Variants in RAB28 observed in about 807,000 individuals in gnomAD.
RAB28 encodes ras-related protein Rab-28.
A neutral mutation model predicts 31.7 loss-of-function variants in RAB28; 24 were observed. The observed-to-expected ratio is 0.76, with a 90% CI of 0.55 to 1.06. The LOEUF is 1.06. Ranked by LOEUF, RAB28 falls within the 50% of genes least tolerant of loss-of-function variation. The pLI is 0.00. For missense variants in RAB28, 254 were observed against 258.5 expected (o/e 0.98, Z 0.12); for synonymous variants, 100 against 90.4 (o/e 1.11, Z -0.60).
At chr4:13,384,528 G>A (rs934815014) in intron 4 of RAB28, among the ~76,000 whole-genome samples, 96 of 152,290 alleles carry the variant, frequency 6.3e-4, no homozygotes, top group African/African-American at 2.1e-3. Flanking sequence ...TCCTAACCTC[G>A]AGGAGTCAGA....
At chr4:13,483,107 T>C (rs1314347666) in intron 1 of RAB28, among the ~76,000 whole-genome samples, 1 of 152,166 alleles carries the variant, frequency 6.6e-6, no homozygotes. Flanking sequence ...AAAGAAGGCA[T>C]CCGGGTAGAG....
chr4:13,370,425 G>A (rs1438045738), intron 6 of RAB28: 7 of 820,972 alleles, frequency 8.5e-6, no homozygotes, highest in Non-Finnish European at 1.0e-5. Context: ...TCTATACTGT[G>A]AAAGTATGGG....
chr4:13,391,589 T>C (rs780022422), intron 4 of RAB28, among the ~76,000 whole-genome samples: 1 of 152,120 alleles, frequency 6.6e-6, no homozygotes, highest in Non-Finnish European at 1.5e-5. Flanking sequence ...CACGCTACTA[T>C]AAAGACATAT....
rs3796805 is a variant in RAB28, at chr4:13,481,490, T to C, written c.76-1964A>G. 7.9e-5 allele frequency among the ~76,000 whole-genome samples: 12 copies of C among 152,150 alleles called. 1 individual carries two copies. In the East Asian group the frequency reaches 1.9e-3, roughly 24 times the overall value. ...GTATTAAGTGAACAACTAGCTCCCATATCAGAAATATTTTTATCTGAATCT... is the reference window on the plus strand; with the variant it reads ...GTATTAAGTGAACAACTAGCTCCCACATCAGAAATATTTTTATCTGAATCT... On this transcript the variant is annotated intron_variant, in intron 1 of 6. Transcript: ENST00000330852.
intron 4 of RAB28, among the ~76,000 whole-genome samples, chr4:13,400,511 T>C (rs574055160): frequency 6.6e-6 from 1 of 152,304 alleles, no homozygotes; most frequent in Non-Finnish European, 1.5e-5. Context: ...GAGAATTTTG[T>C]AGTTTTATTT....
chr4:13,452,653 A>T (rs910618765), intron 4 of RAB28, among the ~76,000 whole-genome samples: 7 of 151,942 alleles, frequency 4.6e-5, no homozygotes, highest in Admixed American at 4.6e-4. Flanking sequence ...CAATTTTTTT[A>T]AATTTTTTTG....
At chr4:13,411,023 A>C (rs1712413385) in intron 4 of RAB28, among the ~76,000 whole-genome samples, 2 of 152,152 alleles carry the variant, frequency 1.3e-5, no homozygotes, top group South Asian at 4.1e-4. Context: ...CATTAATTTA[A>C]AAAAGATCCA....
At chr4:13,393,650 G>A (rs1729742087) in intron 4 of RAB28, among the ~76,000 whole-genome samples, 1 of 151,132 alleles carries the variant, frequency 6.6e-6, no homozygotes, top group Non-Finnish European at 1.5e-5. Context: ...CCCTCCTATA[G>A]GTTTTCTGAT....
At chr4:13,369,045 T>C (rs1046201547) in intron 6 of RAB28, among the ~76,000 whole-genome samples, 1 of 152,206 alleles carries the variant, frequency 6.6e-6, no homozygotes, top group African/African-American at 2.4e-5. Context: ...TATTGATTAA[T>C]ATTTCCATAA....
chr4:13,484,286 T>A lies in RAB28; in HGVS notation c.-136A>T. Reference sequence around the variant, plus strand: ...CCGGTGTCTCCGCGCCGGCAGGAGGTATTCGAGGAGAATCACTCGGCAAGC... The same window carrying A: ...CCGGTGTCTCCGCGCCGGCAGGAGGAATTCGAGGAGAATCACTCGGCAAGC... On this transcript the variant is annotated 5_prime_UTR_variant, in exon 1 of 7. Transcript: ENST00000330852. The A allele has an allele frequency of 1.5e-6, 1 of 678,176 alleles. No homozygotes were observed. The highest frequency in any genetic ancestry group is 2.7e-6 in the Non-Finnish European group (1 of 373,828). 42.0% of individuals were successfully genotyped at this position (678,176 alleles called of 1,614,324 possible).
At chr4:13,461,010 T>A (rs1015365120) in intron 3 of RAB28, among the ~76,000 whole-genome samples, 182 bp from the exon 4 acceptor site, 1 of 152,240 alleles carries the variant, frequency 6.6e-6, no homozygotes, top group Non-Finnish European at 1.5e-5. Flanking sequence ...ATGTTTTCAT[T>A]CAAGATAAAT....
chr4:13,481,540 TCTA>T (rs1418639993), intron 1 of RAB28, among the ~76,000 whole-genome samples: 1 of 152,090 alleles, frequency 6.6e-6, no homozygotes, highest in Admixed American at 6.5e-5. Context: ...TTGGAAAATT[TCTA>T]CTAACATTTT....
At chr4:13,465,181 G>A (rs1038192413) in intron 3 of RAB28, among the ~76,000 whole-genome samples, 8 of 151,832 alleles carry the variant, frequency 5.3e-5, no homozygotes, top group African/African-American at 1.9e-4. Flanking sequence ...TACATCATAC[G>A]CACAGCTGAA....
chr4:13,460,990 A>G (rs1481994890), intron 3 of RAB28, among the ~76,000 whole-genome samples, 162 bp from the exon 4 acceptor site: 4 of 152,240 alleles, frequency 2.6e-5, no homozygotes, highest in African/African-American at 4.8e-5. Flanking sequence ...TAGCAGATTG[A>G]TAATACTGAA....
At chr4:13,391,872 G>A (rs184468784) in intron 4 of RAB28, among the ~76,000 whole-genome samples, 7,754 of 151,874 alleles carry the variant, frequency 0.051, 392 homozygotes, top group African/African-American at 0.13. Flanking sequence ...ACTTGGACAC[G>A]GGGCGGGGAA....
chr4:13,482,893 T>A (rs1360210592), intron 1 of RAB28, among the ~76,000 whole-genome samples: 1 of 152,146 alleles, frequency 6.6e-6, no homozygotes, highest in East Asian at 1.9e-4. Context: ...CAGTGCCAAC[T>A]GTCAGGGAGG....
At chr4:13,389,177 G>A (rs780304300) in intron 4 of RAB28, among the ~76,000 whole-genome samples, 18 of 152,202 alleles carry the variant, frequency 1.2e-4, no homozygotes, top group East Asian at 7.7e-4. Context: ...AACCTTGAGC[G>A]CATTACGTTA....
chr4:13,408,143 T>C (rs1213952421), intron 4 of RAB28, among the ~76,000 whole-genome samples: 2 of 152,150 alleles, frequency 1.3e-5, no homozygotes, highest in East Asian at 3.8e-4. Flanking sequence ...ATATTGGCTG[T>C]GGGTTTGTCA....
At chr4:13,464,717 C>T (rs1715761128) in intron 3 of RAB28, among the ~76,000 whole-genome samples, 1 of 152,094 alleles carries the variant, frequency 6.6e-6, no homozygotes, top group Admixed American at 6.6e-5. Flanking sequence ...TGTAAAGCCT[C>T]ACACTAAAAT....
Sources: gnomAD v4.1 joint callset for allele counts (sites outside exome capture counted in the v4.1 genomes callset) on GRCh38, gnomAD v4.1.1 for gene constraint, MANE v1.5 for transcripts, NCBI Gene and HGNC (gene_info 2026-07-23, HGNC 2026-07-21) for gene names.